CNTN5: variants seen among roughly 807,000 people sequenced by gnomAD.
The protein encoded by CNTN5 is contactin-5.
In CNTN5, 77 loss-of-function variants were observed where a neutral mutation model predicts 129.1. The observed-to-expected ratio is 0.60, with a 90% CI of 0.50 to 0.72. CNTN5 has a LOEUF of 0.72. Among genes scored for constraint, CNTN5 ranks in the 30% least tolerant of loss-of-function variants. The probability of loss-of-function intolerance (pLI) is 0.00; values close to 1 mark genes in which losing one functional copy is unlikely to be tolerated. For missense variants in CNTN5, 1,478 were observed against 1,328.8 expected (o/e 1.11, Z -1.75); for synonymous variants, 509 against 465.6 (o/e 1.09, Z -1.20).
rs191613539 is a variant in CNTN5 at position 99,677,068 on chromosome 11, T to G, written c.55+120799T>G. On this transcript the variant is annotated intron_variant, in intron 3 of 24. Transcript: ENST00000524871. ...ATAACTATTTTTAAAATAAAAACGT[T>G]CTAAATCTCAGCAAAATAAGATTTT... Among the ~76,000 whole-genome samples, 26 of 152,240 alleles carry G rather than the reference T, an allele frequency of 1.7e-4. No homozygotes were observed. The East Asian group carries it at 5.0e-3, about 29-fold the overall frequency.
intron 2 of CNTN5, among the ~76,000 whole-genome samples, chr11:99,426,824 T>C (rs1943141686): frequency 6.6e-6 from 1 of 152,286 alleles, no homozygotes; most frequent in South Asian, 2.1e-4. Context: ...ATAAGGCTAC[T>C]GTAAGTGTTT....
intron 10 of CNTN5, among the ~76,000 whole-genome samples, chr11:100,062,464 T>C (rs991245253): frequency 6.6e-6 from 1 of 152,242 alleles, no homozygotes; most frequent in Non-Finnish European, 1.5e-5. Flanking sequence ...CATTCATTGA[T>C]ACAGTTAATG....
At chr11:99,853,611 G>C (rs1947944950) in intron 6 of CNTN5, among the ~76,000 whole-genome samples, 1 of 152,016 alleles carries the variant, frequency 6.6e-6, no homozygotes. Context: ...ATGTTGGTCA[G>C]CCTGGTCTGG....
At chr11:99,820,569 C>T (rs1315606377) in intron 4 of CNTN5, among the ~76,000 whole-genome samples, 1 of 152,412 alleles carries the variant, frequency 6.6e-6, no homozygotes, top group South Asian at 2.1e-4. Flanking sequence ...CAAAATAATG[C>T]CTGGTTCATT....
chr11:100,158,570 G>GA, intron 13 of CNTN5, among the ~76,000 whole-genome samples: 1 of 151,828 alleles, frequency 6.6e-6, no homozygotes, highest in Non-Finnish European at 1.5e-5. Context: ...CCATAAACAA[G>GA]AAACTTCAAT....
intron 3 of CNTN5, among the ~76,000 whole-genome samples, chr11:99,647,977 A>T (rs1038474963): frequency 6.6e-6 from 1 of 151,908 alleles, no homozygotes; most frequent in Non-Finnish European, 1.5e-5. Context: ...GTCTACACAG[A>T]TAATTTAACT....
At chr11:99,424,792 T>G (rs1413544584) in intron 2 of CNTN5, among the ~76,000 whole-genome samples, 1 of 152,248 alleles carries the variant, frequency 6.6e-6, no homozygotes, top group Non-Finnish European at 1.5e-5. Flanking sequence ...CAGCCCTGTT[T>G]GTGTTACAGC....
chr11:99,499,046 A>G (rs1178057617), intron 2 of CNTN5, among the ~76,000 whole-genome samples: 1 of 152,082 alleles, frequency 6.6e-6, no homozygotes, highest in Non-Finnish European at 1.5e-5. Context: ...AGCACTATTG[A>G]GTTACTGCTT....
chr11:100,273,790 C>T (rs1950452294), intron 18 of CNTN5, among the ~76,000 whole-genome samples: 4 of 152,202 alleles, frequency 2.6e-5, no homozygotes, highest in African/African-American at 9.7e-5. Context: ...TTAAAATGAA[C>T]ATACTGCCCA....
intron 2 of CNTN5, among the ~76,000 whole-genome samples, chr11:99,433,830 A>G (rs1187558377): frequency 6.6e-6 from 1 of 152,172 alleles, no homozygotes; most frequent in Non-Finnish European, 1.5e-5. Flanking sequence ...GGGAATCAAA[A>G]TTTAAACAGT....
intron 3 of CNTN5, among the ~76,000 whole-genome samples, chr11:99,587,560 A>G (rs966694776): frequency 9.9e-5 from 15 of 152,224 alleles, no homozygotes; most frequent in African/African-American, 3.6e-4. Context: ...TGCCCAGGGA[A>G]TCATATGTGT....
chr11:100,350,904 C>A, intron 24 of CNTN5, 34 bp downstream of exon 24: 2 of 1,492,442 alleles, frequency 1.3e-6, no homozygotes, highest in South Asian at 1.4e-5. Flanking sequence ...AATTTGCTGA[C>A]AACCAACAAT....
intron 3 of CNTN5, among the ~76,000 whole-genome samples, chr11:99,785,329 A>T (rs963973434): frequency 1.3e-5 from 2 of 151,838 alleles, no homozygotes; most frequent in Non-Finnish European, 2.9e-5. Context: ...GATAGCAAAA[A>T]TTTTCTCCCA....
intron 3 of CNTN5, among the ~76,000 whole-genome samples, chr11:99,595,076 G>A (rs748221719): frequency 6.6e-6 from 1 of 152,120 alleles, no homozygotes; most frequent in African/African-American, 2.4e-5. Context: ...GGAGATGGGG[G>A]GACCAGAAGA....
At chr11:99,930,891 C>G (rs1950177543) in intron 7 of CNTN5, among the ~76,000 whole-genome samples, 1 of 151,508 alleles carries the variant, frequency 6.6e-6, no homozygotes, top group Non-Finnish European at 1.5e-5. Flanking sequence ...AGAAGCCAGG[C>G]AACATAGACA....
At chr11:99,989,466 C>A (rs571964185) in intron 8 of CNTN5, among the ~76,000 whole-genome samples, 55 of 151,460 alleles carry the variant, frequency 3.6e-4, no homozygotes, top group African/African-American at 1.2e-3. Context: ...CTTTTTTTTT[C>A]TTTTTCTAAT....
intron 3 of CNTN5, among the ~76,000 whole-genome samples, chr11:99,740,734 G>A (rs1340176351): frequency 1.3e-5 from 2 of 152,108 alleles, no homozygotes; most frequent in African/African-American, 4.8e-5. Flanking sequence ...CATATTTGCT[G>A]GATATGCATG....
At position 99,774,275 on chromosome 11, in the gene CNTN5, A is replaced by C. The variant is rs188534918; in HGVS notation, c.56-45269A>C. On this transcript the variant is annotated intron_variant, in intron 3 of 24. Transcript: ENST00000524871. ...TTCCCAACACTTATCAGAGTGATAA[A>C]AAAAAAAAACCAAGTAATTTAGTGA... 1.7e-3 allele frequency among the ~76,000 whole-genome samples: 256 copies of C among 151,776 alleles called. 2 individuals are homozygous for C. Among genetic ancestry groups the C allele is most frequent in the East Asian group, 7.0e-3 (36 of 5,164 alleles).
In CNTN5 at chr11:99,945,967, A is replaced by C. The variant is rs1279722616; in HGVS notation, c.674-10839A>C. On this transcript the variant is annotated intron_variant, in intron 7 of 24. Transcript: ENST00000524871. ...AGGCATAAGTACAAGCATGAAAAAA[A>C]AAATCTATTTTCTTACCCTGTTCGT... Among the ~76,000 whole-genome samples, 3 of 152,110 alleles carry C rather than the reference A, an allele frequency of 2.0e-5. 1 individual carries two copies. The South Asian group carries it at 6.2e-4, about 31-fold the overall frequency.
Sources: gnomAD v4.1 joint callset for allele counts (sites outside exome capture counted in the v4.1 genomes callset) on GRCh38, gnomAD v4.1.1 for gene constraint, MANE v1.5 for transcripts, NCBI Gene and HGNC (gene_info 2026-07-23, HGNC 2026-07-21) for gene names.